The following SLC25A48 variants were observed in gnomAD, a reference collection of about 807,000 sequenced individuals.
The protein encoded by SLC25A48 is solute carrier family 25 member 48, also known as CTC-321K16.1.
In SLC25A48, 29 loss-of-function variants were observed where a neutral mutation model predicts 32.2. The observed-to-expected ratio is 0.90, with a 90% CI of 0.67 to 1.23. The LOEUF (loss-of-function observed/expected upper bound fraction) is 1.23, where lower values mean the gene tolerates loss of function less well. SLC25A48 is among the 50% of genes most tolerant of loss of function. The pLI, the probability that SLC25A48 is intolerant of heterozygous loss-of-function variation, is 0.00. For missense variants in SLC25A48, 399 were observed against 422.7 expected (o/e 0.94, Z 0.49); for synonymous variants, 164 against 172.3 (o/e 0.95, Z 0.38).
At chr5:135,724,536 G>T (rs1755043175) in intron 3 of SLC25A48, among the ~76,000 whole-genome samples, 2 of 152,236 alleles carry the variant, frequency 1.3e-5, no homozygotes, top group Admixed American at 1.3e-4. Flanking sequence ...AGAAAAGCCA[G>T]CCTTCCTCCA....
intron 3 of SLC25A48, among the ~76,000 whole-genome samples, chr5:135,654,147 T>C (rs1753186083): frequency 6.6e-6 from 1 of 152,050 alleles, no homozygotes; most frequent in African/African-American, 2.4e-5. Context: ...AAATTGTGAG[T>C]ACGGGTTACT....
intron 4 of SLC25A48, among the ~76,000 whole-genome samples, chr5:135,823,625 C>T (rs912700663): frequency 3.9e-5 from 6 of 152,242 alleles, no homozygotes; most frequent in African/African-American, 1.4e-4. Flanking sequence ...GAATTTGTAA[C>T]TAACAGGATG....
At chr5:135,712,681 G>C (rs1003489499) in intron 3 of SLC25A48, among the ~76,000 whole-genome samples, 1 of 152,222 alleles carries the variant, frequency 6.6e-6, no homozygotes, top group East Asian at 1.9e-4. Context: ...CCCCTTGAAT[G>C]CTTGTGGGGA....
intron 1 of SLC25A48, among the ~76,000 whole-genome samples, chr5:135,598,173 C>A (rs1751704238): frequency 6.6e-6 from 1 of 152,166 alleles, no homozygotes; most frequent in African/African-American, 2.4e-5. Flanking sequence ...TAATTATTAT[C>A]ATTATTGTAG....
At chr5:135,732,416 G>A (rs1037583021) in intron 3 of SLC25A48, among the ~76,000 whole-genome samples, 1 of 152,184 alleles carries the variant, frequency 6.6e-6, no homozygotes, top group Non-Finnish European at 1.5e-5. Flanking sequence ...TCCAGTGATA[G>A]TGTCTACCCA....
chr5:135,696,773 G>C (rs1053550061), intron 3 of SLC25A48, among the ~76,000 whole-genome samples: 1 of 152,118 alleles, frequency 6.6e-6, no homozygotes, highest in Non-Finnish European at 1.5e-5. Context: ...GGCTAGCCTG[G>C]GTCTTCCATA....
intron 3 of SLC25A48, among the ~76,000 whole-genome samples, chr5:135,851,015 A>G (rs529934690): frequency 6.6e-6 from 1 of 152,312 alleles, no homozygotes; most frequent in East Asian, 1.9e-4. Context: ...GAGAATCAGC[A>G]TGTGCTTCAG....
chr5:135,683,000 C>G (rs960416278), intron 3 of SLC25A48, among the ~76,000 whole-genome samples: 4 of 152,282 alleles, frequency 2.6e-5, no homozygotes, highest in South Asian at 4.1e-4. Flanking sequence ...ATTAATGTCA[C>G]TGGATGGCTG....
At chr5:135,818,065 CT>C (rs1326602153) in intron 4 of SLC25A48, among the ~76,000 whole-genome samples, 2 of 16,574 alleles carry the variant, frequency 1.2e-4, no homozygotes, top group Non-Finnish European at 3.9e-4. Flanking sequence ...CTCTCTCTCT[CT>C]CTCTCTCTCT....
chr5:135,870,065 C>T (rs1669808748), intron 4 of SLC25A48, among the ~76,000 whole-genome samples: 1 of 152,172 alleles, frequency 6.6e-6, no homozygotes, highest in Admixed American at 6.5e-5. Context: ...AGTCATGAAG[C>T]CGAATGCTTC....
chr5:135,587,220 C>T (rs1444065152), intron 1 of SLC25A48, among the ~76,000 whole-genome samples: 4 of 152,074 alleles, frequency 2.6e-5, no homozygotes, highest in East Asian at 1.9e-4. Flanking sequence ...CTTGTAGAGA[C>T]GGGGATCTCA....
chr5:135,766,490 C>A (rs1431841171), intron 3 of SLC25A48, among the ~76,000 whole-genome samples: 1 of 147,804 alleles, frequency 6.8e-6, no homozygotes. Context: ...TTCATAATAT[C>A]CAGGGGGGAG....
chr5:135,738,141 C>A (rs1755418979), intron 3 of SLC25A48, among the ~76,000 whole-genome samples: 1 of 152,100 alleles, frequency 6.6e-6, no homozygotes, highest in South Asian at 2.1e-4. Context: ...AATCAGTTCC[C>A]TTTAGAGGAA....
intron 1 of SLC25A48, among the ~76,000 whole-genome samples, chr5:135,622,613 A>G (rs1752349996): frequency 6.6e-6 from 1 of 152,220 alleles, no homozygotes; most frequent in Admixed American, 6.5e-5. Context: ...ATTAAAAATA[A>G]TCAGAGACAT....
Position 135,623,340 on chromosome 5 carries a change from A to G in SLC25A48, c.-848-5897A>G, listed in dbSNP as rs888680699. The stretch of plus-strand genomic sequence containing the variant: ...GGATCCTGGTTGCTCACTGGCCAAG[A>G]CAGCTGGTGGGGAATTCTGAAGACA... On this transcript the variant is annotated intron_variant, in intron 1 of 10. Coordinates refer to the SLC25A48 transcript ENST00000646290. Among the ~76,000 whole-genome samples, 7 of 152,174 alleles carry G rather than the reference A, an allele frequency of 4.6e-5. 1 individual carries two copies. Among genetic ancestry groups the G allele is most frequent in the African/African-American group, 1.4e-4 (6 of 41,446 alleles).
chr5:135,768,929 G>GT (rs1756322755), intron 3 of SLC25A48, among the ~76,000 whole-genome samples: 1 of 151,856 alleles, frequency 6.6e-6, no homozygotes. Context: ...CGCAGGGGTT[G>GT]TAGATACCAC....
intron 3 of SLC25A48, among the ~76,000 whole-genome samples, chr5:135,762,679 G>A (rs930333049): frequency 6.6e-6 from 1 of 152,092 alleles, no homozygotes; most frequent in East Asian, 1.9e-4. Context: ...GGAGTGTTGA[G>A]TATATAAGAA....
chr5:135,838,022 G>C (rs1298485069), intron 1 of SLC25A48, among the ~76,000 whole-genome samples: 1 of 152,236 alleles, frequency 6.6e-6, no homozygotes, highest in East Asian at 1.9e-4. Flanking sequence ...GCTTCCTAGA[G>C]ACTTGTTGAA....
chr5:135,587,948 G>C (rs58306798), intron 1 of SLC25A48, among the ~76,000 whole-genome samples: 3,102 of 152,302 alleles, frequency 0.02, 106 homozygotes, highest in African/African-American at 0.071. Flanking sequence ...TAGAGAGAGA[G>C]GGCAGGAGGG....
Sources: allele counts gnomAD v4.1 joint callset (sites outside exome capture counted in the v4.1 genomes callset), GRCh38; gene constraint gnomAD v4.1.1; transcripts MANE v1.5; gene names NCBI Gene and HGNC (gene_info 2026-07-23, HGNC 2026-07-21).